The following GSTT4 variants were observed in gnomAD, a reference collection of about 807,000 sequenced individuals.
GSTT4 encodes the protein glutathione S-transferase theta-4.
At chr22:24,002,333 G>T (rs866633113) in intron 2 of GSTT4, among the ~76,000 whole-genome samples, 1 of 152,392 alleles carries the variant, frequency 6.6e-6, no homozygotes, top group Non-Finnish European at 1.5e-5. Flanking sequence ...GAGGCCATGG[G>T]GACAGAGGGA....
At chr22:23,999,763 G>A (rs2034185025) in intron 4 of GSTT4, among the ~76,000 whole-genome samples, 1 of 144,776 alleles carries the variant, frequency 6.9e-6, no homozygotes, top group Admixed American at 6.9e-5. Flanking sequence ...AAGAGGAGGA[G>A]GTATCTGGGA....
intron 2 of GSTT4, among the ~76,000 whole-genome samples, chr22:24,003,504 CTT>C (rs2034282675): frequency 1.3e-5 from 2 of 152,260 alleles, no homozygotes; most frequent in Admixed American, 1.3e-4. Context: ...CATGAGCTGG[CTT>C]CTAAACATTT....
the GSTT4 span, among the ~76,000 whole-genome samples, chr22:23,992,051 T>C: frequency 4.4e-5 from 1 of 22,646 alleles, no homozygotes; most frequent in Admixed American, 6.9e-4. Flanking sequence ...ATACTCCGTC[T>C]CAAAAAAAAA....
downstream of GSTT4, chr22:23,998,341 C>T (rs1448960945): frequency 5.9e-5 from 9 of 152,056 alleles, no homozygotes; most frequent in Non-Finnish European, 1.3e-4. Flanking sequence ...GATCTGTAAC[C>T]ACCACCCACT....
chr22:23,996,987 A>C (rs962355545), downstream of GSTT4, among the ~76,000 whole-genome samples: 1 of 152,080 alleles, frequency 6.6e-6, no homozygotes, highest in African/African-American at 2.4e-5. Flanking sequence ...ATTTTTAAAA[A>C]TAATTAATAT....
At chr22:24,003,146 TTTTG>T (rs2034272944) in intron 2 of GSTT4, among the ~76,000 whole-genome samples, 1 of 152,210 alleles carries the variant, frequency 6.6e-6, no homozygotes, top group African/African-American at 2.4e-5. Context: ...GTTGCTTTTT[TTTTG>T]TTTGTTTTAA....
downstream of GSTT4, among the ~76,000 whole-genome samples, chr22:23,997,333 C>T (rs371790086): frequency 1.7e-4 from 26 of 152,148 alleles, no homozygotes; most frequent in Admixed American, 7.2e-4. Context: ...CCTCCCACCT[C>T]GGCCACCCAG....
At chr22:24,000,678 C>T (rs587700553) in intron 3 of GSTT4, among the ~76,000 whole-genome samples, 22 of 144,534 alleles carry the variant, frequency 1.5e-4, no homozygotes, top group South Asian at 1.1e-3. Flanking sequence ...CCTGCCTCAG[C>T]GTCCTGAGTA....
the GSTT4 span, among the ~76,000 whole-genome samples, chr22:23,990,790 A>G: frequency 6.4e-4 from 51 of 80,186 alleles, no homozygotes; most frequent in Admixed American, 1.2e-3. Flanking sequence ...CCATTTCCCT[A>G]CCCTCGTTCT....
the GSTT4 span, among the ~76,000 whole-genome samples, chr22:23,990,653 T>TAAATAAAC: frequency 0.074 from 4,139 of 56,160 alleles, 495 homozygotes; most frequent in Middle Eastern, 0.11. Context: ...AATAAATAAA[T>TAAATAAAC]AAACAAACAA....
At chr22:24,002,584 ACT>A (rs1465545435) in intron 2 of GSTT4, among the ~76,000 whole-genome samples, 1 of 38,076 alleles carries the variant, frequency 2.6e-5, no homozygotes, top group Non-Finnish European at 7.8e-5. Flanking sequence ...TAATCCCAGC[ACT>A]CTGGGAGGCC....
At chr22:23,997,645 GC>G (rs1458890698), downstream of GSTT4, among the ~76,000 whole-genome samples, 1 of 151,660 alleles carries the variant, frequency 6.6e-6, no homozygotes, top group East Asian at 1.9e-4. Flanking sequence ...TGATTTTATT[GC>G]TTTTCTATTT....
At chr22:24,001,755 G>A (rs982766596) in intron 2 of GSTT4, among the ~76,000 whole-genome samples, 3 of 152,402 alleles carry the variant, frequency 2.0e-5, no homozygotes, top group Admixed American at 2.0e-4. Flanking sequence ...GGAGGCCAAT[G>A]GGGGCAGATC....
At chr22:24,001,917 G>T (rs1027239433) in intron 2 of GSTT4, among the ~76,000 whole-genome samples, 1 of 152,278 alleles carries the variant, frequency 6.6e-6, no homozygotes, top group African/African-American at 2.4e-5. Flanking sequence ...CTTGAACCTG[G>T]GAGGCAGAGG....
At chr22:23,990,464 A>AAAAAAAAGG in the GSTT4 span, among the ~76,000 whole-genome samples, 1 of 93,650 alleles carries the variant, frequency 1.1e-5, no homozygotes, top group African/African-American at 3.3e-5. Flanking sequence ...AAAAAAAAAA[A>AAAAAAAAGG]AAAAAAAAGT....
chr22:23,994,447 A>G (rs1202365121), downstream of GSTT4, among the ~76,000 whole-genome samples: 1 of 151,468 alleles, frequency 6.6e-6, no homozygotes, highest in Non-Finnish European at 1.5e-5. Flanking sequence ...GTTACCATTC[A>G]TCTACTTTCT....
chr22:23,991,239 T>A, the GSTT4 span: 2 of 108,108 alleles, frequency 1.8e-5, 1 homozygote, highest in African/African-American at 5.7e-5. Flanking sequence ...AGAGTCTGAT[T>A]CTTCGTGTTA....
downstream of GSTT4, among the ~76,000 whole-genome samples, chr22:23,996,553 T>C (rs2034117704): frequency 6.6e-6 from 1 of 152,190 alleles, no homozygotes; most frequent in Non-Finnish European, 1.5e-5. Context: ...AATTTTATCG[T>C]AAAAGGATGT....
chr22:23,994,035 G>C (rs2146221345), downstream of GSTT4, among the ~76,000 whole-genome samples: 3 of 152,322 alleles, frequency 2.0e-5, no homozygotes, highest in South Asian at 6.2e-4. Context: ...TGAGTAAAAG[G>C]CACTGGACTG....
Sources: allele counts gnomAD v4.1 joint callset (sites outside exome capture counted in the v4.1 genomes callset), GRCh38; gene constraint gnomAD v4.1.1; transcripts MANE v1.5; gene names NCBI Gene and HGNC (gene_info 2026-07-23, HGNC 2026-07-21).